The following DST variants were observed in gnomAD, a reference collection of about 807,000 sequenced individuals.
DST encodes dystonin, also known as bullous pemphigoid antigen.
In DST, 253 loss-of-function variants were observed where a neutral mutation model predicts 875.2. The ratio of observed to expected loss-of-function variants is 0.29; its 90% CI spans 0.26 to 0.32. DST has a LOEUF of 0.32. Among genes scored for constraint, DST ranks in the 10% least tolerant of loss-of-function variants. The pLI is 1.00. For missense variants in DST, 8,287 were observed against 9,111.6 expected (o/e 0.91, Z 3.68); for synonymous variants, 3,124 against 3,197.1 (o/e 0.98, Z 0.77).
intron 36 of DST, chr6:56,619,232 A>G (rs2098662200): frequency 1.9e-6 from 3 of 1,613,396 alleles, no homozygotes; most frequent in African/African-American, 1.3e-5. Context: ...TTTCTCTAAA[A>G]CTATATTCTC....
At position 56,635,708 on chromosome 6, in the gene DST, T is replaced by C. The variant is rs944576905; in HGVS notation, c.3067A>G (p.Asn1023Asp). Reference sequence around the variant, plus strand: ...TAATCAGTAGCTTCTTTGGCATCATTGAAAAACTAAGGAAAGATGAAACCT... The same window carrying C: ...TAATCAGTAGCTTCTTTGGCATCATCGAAAAACTAAGGAAAGATGAAACCT... The part of the protein sequence containing the change: ...KENTAYFEFF[N>D]DAKEATDYLR... Residue 1023 changes from asparagine (N) to aspartate (D), a missense_variant, in exon 24 of 104, where the codon AAT becomes GAT. By Grantham distance (23) the Asn-to-Asp change is conservative. This residue lies in a region of DST where 1,160 missense variants were observed against 1,424.3 expected (regional missense o/e 0.81). Transcript: ENST00000680361. The C allele has an allele frequency of 6.2e-7, 1 of 1,613,594 alleles. No individual in the cohort carries two copies. Among genetic ancestry groups the C allele is most frequent in the Non-Finnish European group, 8.5e-7 (1 of 1,179,882 alleles).
At chr6:56,926,756 T>C (rs1465097206) in intron 2 of DST, among the ~76,000 whole-genome samples, 2 of 132,170 alleles carry the variant, frequency 1.5e-5, no homozygotes, top group African/African-American at 6.8e-5. Flanking sequence ...AGTGTAGAGC[T>C]TATTAAATCG....
At chr6:56,532,703 T>C (rs900118181) in intron 63 of DST, among the ~76,000 whole-genome samples, 193 bp from the exon 64 acceptor site, 3 of 152,188 alleles carry the variant, frequency 2.0e-5, no homozygotes, top group African/African-American at 7.2e-5. Context: ...TCAGACACTG[T>C]GGCAGGGGCT....
At chr6:56,511,447 A>C in intron 72 of DST, 47 bp from the exon 73 acceptor site, 3 of 1,502,648 alleles carry the variant, frequency 2.0e-6, no homozygotes, top group Non-Finnish European at 2.7e-6. Flanking sequence ...TCACACCTCC[A>C]TATTACAGCT....
In DST at chr6:56,701,923, C is replaced by A. The variant is rs2099309759; in HGVS notation, c.919G>T (p.Val307Leu). ...GRMRFHRLQN[V>L]QIALDYLKRR... ...TTCAAATAGTCAAGTGCAATTTGTA[C>A]ATTCTGTAGTCTGTGAAAACGCATC... The change falls in exon 8 of 104, where the codon GTA becomes TTA. Residue 307 changes from valine (V) to leucine (L), a missense_variant. Val to Leu is a conservative substitution (Grantham distance 32). This residue lies in a region of DST where 1,160 missense variants were observed against 1,424.3 expected (regional missense o/e 0.81). Coordinates refer to ENST00000680361, the MANE Select transcript of DST (RefSeq NM_001374736.1). The A allele has an allele frequency of 1.9e-6, 3 of 1,611,894 alleles. No homozygotes were observed. The highest frequency in any genetic ancestry group is 2.5e-6 in the Non-Finnish European group (3 of 1,178,672).
At chr6:56,619,460 C>T in intron 36 of DST, 1 of 1,611,788 alleles carries the variant, frequency 6.2e-7, no homozygotes, top group Non-Finnish European at 8.5e-7. Flanking sequence ...ATCTGATTTT[C>T]TCTGGCAGAT....
At chr6:56,945,321 C>T (rs1818863804) in intron 2 of DST, among the ~76,000 whole-genome samples, 1 of 152,068 alleles carries the variant, frequency 6.6e-6, no homozygotes, top group Non-Finnish European at 1.5e-5. Context: ...GGGAATACAA[C>T]GAAAGGCAGA....
In DST at chr6:56,546,484, A is replaced by C. The variant is rs548033301; in HGVS notation, c.16608+5700T>G. Among the ~76,000 whole-genome samples the C allele has an allele frequency of 4.7e-5, 7 of 148,434 alleles. No homozygotes were observed. In the East Asian group the frequency reaches 1.2e-3, roughly 25 times the overall value. On this transcript the variant is annotated intron_variant, in intron 61 of 103. Coordinates refer to ENST00000680361, the MANE Select transcript of DST (RefSeq NM_001374736.1). ...ATTCAATTTTCTTCAGAGAAAAAAA[A>C]AAACAAACAAAATCTGGAAATACTT...
chr6:56,895,909 C>G (rs1482869987), intron 3 of DST, among the ~76,000 whole-genome samples: 1 of 40,468 alleles, frequency 2.5e-5, no homozygotes, highest in Non-Finnish European at 4.3e-5. Flanking sequence ...CGCAGGCACT[C>G]GGCAGGCTGA....
chr6:56,533,460 G>A (rs1425041154), intron 63 of DST, among the ~76,000 whole-genome samples: 4 of 152,150 alleles, frequency 2.6e-5, no homozygotes, highest in Non-Finnish European at 5.9e-5. Flanking sequence ...TTTGAGATCA[G>A]GACCACCAAG....
At chr6:56,469,058 T>C in intron 97 of DST, 59 bp from the exon 98 acceptor site, 1 of 1,396,748 alleles carries the variant, frequency 7.2e-7, no homozygotes, top group Non-Finnish European at 9.9e-7. Context: ...ACTTTCTGTA[T>C]GACTCTAGAA....
chr6:56,716,988 T>C (rs2099397043), intron 5 of DST, among the ~76,000 whole-genome samples: 2 of 152,254 alleles, frequency 1.3e-5, no homozygotes, highest in East Asian at 1.9e-4. Flanking sequence ...CAGACCATCC[T>C]GGCTAACACG....
intron 36 of DST, chr6:56,618,655 A>G (rs1358295914): frequency 6.2e-7 from 1 of 1,614,148 alleles, no homozygotes; most frequent in South Asian, 1.1e-5. Context: ...CACAAAGCTT[A>G]GCATTTTCTT....
In DST at chr6:56,458,998, A is replaced by C; in HGVS notation, c.*7T>G. The C allele has an allele frequency of 3.8e-6, 6 of 1,597,972 alleles. No homozygotes were observed. The highest frequency in any genetic ancestry group is 5.1e-6 in the Non-Finnish European group (6 of 1,169,312). Reference sequence around the variant, plus strand: ...CTCAAGGAAGGGCCTTGGTAGAACCAATTGCACTATCTCTTTGAGGACTTG... The same window carrying C: ...CTCAAGGAAGGGCCTTGGTAGAACCCATTGCACTATCTCTTTGAGGACTTG... On this transcript the variant is annotated 3_prime_UTR_variant, in exon 104 of 104. Transcript: ENST00000680361.
chr6:56,769,721 G>A (rs1214745533), intron 4 of DST, among the ~76,000 whole-genome samples: 1 of 152,112 alleles, frequency 6.6e-6, no homozygotes, highest in Non-Finnish European at 1.5e-5. Context: ...GGAGGCTGAG[G>A]CAGGAGAATC....
chr6:56,547,985 G>T (rs2097257514), intron 61 of DST, among the ~76,000 whole-genome samples: 1 of 152,188 alleles, frequency 6.6e-6, no homozygotes, highest in East Asian at 1.9e-4. Flanking sequence ...GTACTCATTT[G>T]TGGGGACAAA....
chr6:56,822,308 T>C (rs564395406), intron 4 of DST, among the ~76,000 whole-genome samples: 17 of 152,280 alleles, frequency 1.1e-4, no homozygotes, highest in African/African-American at 4.1e-4. Flanking sequence ...CTCAGCTTAC[T>C]GCCTGGAGAG....
At chr6:56,496,084 A>G (rs2095891426) in intron 82 of DST, among the ~76,000 whole-genome samples, 1 of 152,176 alleles carries the variant, frequency 6.6e-6, no homozygotes, top group African/African-American at 2.4e-5. Flanking sequence ...AATAATCATC[A>G]GTATTTGAAT....
chr6:56,867,550 G>A (rs923514202), intron 3 of DST, among the ~76,000 whole-genome samples: 67 of 152,162 alleles, frequency 4.4e-4, no homozygotes, highest in African/African-American at 1.4e-3. Context: ...GGCTGGATGC[G>A]GAGGCTCATG....
Sources: gnomAD v4.1 joint callset for allele counts (sites outside exome capture counted in the v4.1 genomes callset) on GRCh38, gnomAD v4.1.1 for gene constraint, gnomAD v4.1.1 regional missense constraint, MANE v1.5 for transcripts, NCBI Gene and HGNC (gene_info 2026-07-23, HGNC 2026-07-21) for gene names.